The following GDI2 variants were observed in gnomAD, a reference collection of about 807,000 sequenced individuals.
GDI2 encodes rab GDP dissociation inhibitor beta.
GDI2 carries 22 observed loss-of-function variants against 54.2 expected under a neutral mutation model. The ratio of observed to expected loss-of-function variants is 0.41; its 90% CI spans 0.29 to 0.58. The LOEUF is 0.58. Ranked by LOEUF, GDI2 falls within the 20% of genes least tolerant of loss-of-function variation. The pLI is 0.35. For missense variants in GDI2, 422 were observed against 546.0 expected, an observed-to-expected ratio of 0.77 and a Z score of 2.26; for synonymous variants, 177 against 182.1, an observed-to-expected ratio of 0.97 and a Z score of 0.23.
At position 5,766,366 on chromosome 10, in the gene GDI2, G is replaced by T; in HGVS notation, c.1137-71C>A. On this transcript the variant is annotated intron_variant, in intron 9 of 10. Coordinates refer to ENST00000380191, the MANE Select transcript of GDI2 (RefSeq NM_001494.4). The surrounding 1 kb of genome is among the most constrained non-coding windows in gnomAD (Gnocchi z 5.8). ...ACCATGGCTCTGCCTGAGGTCAACT[G>T]AGAGGTACAGATGAATCCCACAGAG... The T allele has an allele frequency of 6.7e-7, 1 of 1,485,432 alleles. No individual in the cohort carries two copies. The highest frequency in any genetic ancestry group is 9.4e-7 in the Non-Finnish European group (1 of 1,062,614). 92.0% of individuals were successfully genotyped at this position (1,485,432 alleles called of 1,614,324 possible).
rs1372077182 is a variant in GDI2 at position 5,778,451 on chromosome 10, T to C, written c.720-4510A>G. On this transcript the variant is annotated intron_variant, in intron 6 of 10. Coordinates refer to ENST00000380191, the MANE Select transcript of GDI2 (RefSeq NM_001494.4). ...TAATGTGCATTTTGTTTAAATAAGT[T>C]GTGTAAGAGACACACCTTTCTAGAT... is the stretch of plus-strand genomic sequence containing the variant. Among the ~76,000 whole-genome samples the C allele has an allele frequency of 2.0e-5, 3 of 152,350 alleles. No individual in the cohort carries two copies. The East Asian group carries it at 5.8e-4, about 29-fold the overall frequency.
At position 5,773,919 on chromosome 10, in the gene GDI2, T is replaced by C. The variant is rs1840556364; in HGVS notation, c.742A>G (p.Thr248Ala). The C allele has an allele frequency of 2.6e-6, 4 of 1,526,856 alleles. No homozygotes were observed. Among genetic ancestry groups the C allele is most frequent in the African/African-American group, 1.4e-5 (1 of 72,854 alleles). 94.6% of individuals were successfully genotyped at this position (1,526,856 alleles called of 1,614,324 possible). The change falls in exon 7 of 11, where the codon ACC (threonine) becomes GCC (alanine). Residue 248 changes from threonine (T) to alanine (A), a missense_variant. Thr to Ala is a moderately conservative substitution (Grantham distance 58). Transcript: ENST00000380191. The part of the protein sequence containing the change: ...FARLSAIYGG[T>A]YMLNKPIEEI... Reference sequence around the variant, plus strand: ...TCAATGGGTTTATTCAGCATATAGGTACCTCCATAAATAGCACTTAGCCTG... The same window carrying C: ...TCAATGGGTTTATTCAGCATATAGGCACCTCCATAAATAGCACTTAGCCTG...
At position 5,785,853 on chromosome 10, in the gene GDI2, C is replaced by A; in HGVS notation, c.586G>T (p.Asp196Tyr). The stretch of plus-strand genomic sequence containing the variant: ...AAATCTAAAAACCAAAATACTTACT[C>A]ATCAGTTCTGTAAAGTGCAAGAGCA... ...GHALALYRTD[D>Y]YLDQPCYETI... is the part of the protein sequence containing the mutation. Residue 196 changes from aspartate to tyrosine, a missense_variant and splice_region_variant, in exon 5 of 11, where the codon GAT becomes TAT. Asp to Tyr is a radical substitution (Grantham distance 160). Transcript: ENST00000380191. 1 of 1,565,532 alleles carries A rather than the reference C, an allele frequency of 6.4e-7. No individual in the cohort carries two copies. Among genetic ancestry groups the A allele is most frequent in the South Asian group, 1.1e-5 (1 of 88,624 alleles).
intron 3 of GDI2, among the ~76,000 whole-genome samples, chr10:5,795,608 A>C (rs1841128745): frequency 6.6e-6 from 1 of 152,116 alleles, no homozygotes; most frequent in South Asian, 2.1e-4. Flanking sequence ...GCAATGAAAA[A>C]TTTATTAGAG....
intron 1 of GDI2, among the ~76,000 whole-genome samples, chr10:5,807,557 C>A (rs957610254): frequency 2.0e-5 from 3 of 152,244 alleles, no homozygotes; most frequent in African/African-American, 7.2e-5. Context: ...TCCAAAATCA[C>A]TAAGACTATA....
chr10:5,804,251 G>A (rs1453297153), intron 1 of GDI2, among the ~76,000 whole-genome samples: 2 of 151,906 alleles, frequency 1.3e-5, no homozygotes, highest in African/African-American at 4.8e-5. Flanking sequence ...GCACCATCAC[G>A]CCTGGCTAAT....
intron 7 of GDI2, among the ~76,000 whole-genome samples, chr10:5,772,005 A>G (rs7906719): frequency 0.34 from 50,902 of 151,906 alleles, 8,863 homozygotes; most frequent in Non-Finnish European, 0.38. Flanking sequence ...CAGGAGAATC[A>G]CTTGAACCCG....
chr10:5,793,247 G>T (rs972087331), intron 4 of GDI2, among the ~76,000 whole-genome samples: 1 of 151,990 alleles, frequency 6.6e-6, no homozygotes, highest in Admixed American at 6.6e-5. Context: ...CTCCTACCAC[G>T]GCTTCCCAAA....
intron 4 of GDI2, among the ~76,000 whole-genome samples, chr10:5,792,479 T>G (rs1004286424): frequency 6.6e-6 from 1 of 152,188 alleles, no homozygotes; most frequent in Non-Finnish European, 1.5e-5. Context: ...CACCTTTCCT[T>G]ACCCCATTCC....
intron 4 of GDI2, among the ~76,000 whole-genome samples, chr10:5,787,218 G>A (rs928187278): frequency 6.6e-5 from 10 of 152,072 alleles, no homozygotes; most frequent in Admixed American, 4.6e-4. Context: ...AAAACCATGA[G>A]GCTGGTCAGG....
At chr10:5,790,027 G>A (rs76201405) in intron 4 of GDI2, among the ~76,000 whole-genome samples, 2,084 of 152,214 alleles carry the variant, frequency 0.014, 47 homozygotes, top group African/African-American at 0.048. Flanking sequence ...ATTTTTCATC[G>A]TGTTTAGTGC....
chr10:5,773,979 T>C (rs373988648), intron 6 of GDI2, 38 bp from the exon 7 acceptor site: 41 of 813,966 alleles, frequency 5.0e-5, no homozygotes, highest in Non-Finnish European at 8.1e-5. Flanking sequence ...TAATATATAG[T>C]TGTTTCAACT....
At chr10:5,794,183 AAAAAAATATATATATATATAT>A (rs1296447006) in intron 4 of GDI2, among the ~76,000 whole-genome samples, 3 of 53,148 alleles carry the variant, frequency 5.6e-5, no homozygotes, top group South Asian at 1.8e-3. Context: ...AAAAAAAAAA[AAAAAAATATATATATATATAT>A]ATATATATAT....
At position 5,774,914 on chromosome 10, in the gene GDI2, G is replaced by GCAAGGC. The variant is rs1267797110; in HGVS notation, c.720-979_720-974dup. On this transcript the variant is annotated intron_variant, in intron 6 of 10. Coordinates refer to ENST00000380191, the MANE Select transcript of GDI2 (RefSeq NM_001494.4). The surrounding 1 kb of genome is among the most constrained non-coding windows in gnomAD (Gnocchi z 4.8). ...GGGAAGGGGAAGGGCAAGGGCAAGG[G>GCAAGGC]CAAGGCCAAGGGAAGGGTTGACCAG... Among the ~76,000 whole-genome samples the GCAAGGC allele has an allele frequency of 2.6e-5, 4 of 152,136 alleles. No homozygotes were observed. Among genetic ancestry groups the GCAAGGC allele is most frequent in the East Asian group, 3.8e-4 (2 of 5,196 alleles).
At position 5,776,350 on chromosome 10, in the gene GDI2, A is replaced by T. The variant is rs953730263; in HGVS notation, c.720-2409T>A. 4 of 662,746 alleles carry T rather than the reference A, an allele frequency of 6.0e-6. No homozygotes were observed. The highest frequency in any genetic ancestry group is 1.1e-5 in the Non-Finnish European group (4 of 362,370). The allele number at this position is 662,746 out of a possible 1,614,324, so 41.1% of individuals were successfully genotyped here. On this transcript the variant is annotated intron_variant, in intron 6 of 10. Transcript: ENST00000380191. This position sits in a 1 kb window ranked among gnomAD's most constrained non-coding sequence, Gnocchi z 5.3. ...CACAAACCCTCTGCTGAGGATGCAG[A>T]GAGCCAGAGCCCCCTTTCTCAGAAG...
chr10:5,804,758 G>A (rs1056980573), intron 1 of GDI2, among the ~76,000 whole-genome samples: 1 of 151,662 alleles, frequency 6.6e-6, no homozygotes, highest in Non-Finnish European at 1.5e-5. Flanking sequence ...TGTTTTCCTA[G>A]TACCACAGCA....
chr10:5,808,439 T>C (rs1279541286), intron 1 of GDI2, among the ~76,000 whole-genome samples: 1 of 151,732 alleles, frequency 6.6e-6, no homozygotes, highest in African/African-American at 2.4e-5. Context: ...TTTGGGAGGC[T>C]GAGGCAGGCA....
In GDI2 at chr10:5,813,412, C is replaced by A; in HGVS notation, c.-154G>T. On this transcript the variant is annotated 5_prime_UTR_variant, in exon 1 of 11. Coordinates refer to ENST00000380191, the MANE Select transcript of GDI2 (RefSeq NM_001494.4). ...GGCGACAAGGCGAGACCGACCGCCA[C>A]CTCAGACGGGAAGAGAAGAACTGGG... 3.8e-6 allele frequency: 2 copies of A among 531,284 alleles called. No homozygotes were observed. Among genetic ancestry groups the A allele is most frequent in the South Asian group, 2.4e-5 (1 of 42,138 alleles). 32.9% of individuals were successfully genotyped at this position (531,284 alleles called of 1,614,324 possible).
intron 7 of GDI2, among the ~76,000 whole-genome samples, chr10:5,773,529 G>A (rs867902494): frequency 1.1e-4 from 16 of 152,026 alleles, no homozygotes; most frequent in African/African-American, 3.9e-4. Flanking sequence ...CCGTGTAGGT[G>A]GCCTGCAAGT....
Sources: gnomAD v4.1 joint callset for allele counts (sites outside exome capture counted in the v4.1 genomes callset) on GRCh38, gnomAD v4.1.1 for gene constraint, Gnocchi (gnomAD v3.1) non-coding constraint, MANE v1.5 for transcripts, NCBI Gene and HGNC (gene_info 2026-07-23, HGNC 2026-07-21) for gene names.